The following COL25A1 variants were observed in gnomAD, a reference collection of about 807,000 sequenced individuals.
The protein encoded by COL25A1 is collagen alpha-1(XXV) chain.
COL25A1 carries 103 observed loss-of-function variants against 128.4 expected under a neutral mutation model. The observed-to-expected ratio is 0.80, with a 90% CI of 0.68 to 0.94. COL25A1 has a LOEUF of 0.94. Among genes scored for constraint, COL25A1 ranks in the 40% least tolerant of loss-of-function variants. COL25A1 has a pLI of 0.00. For synonymous variants in COL25A1, 279 were observed against 277.2 expected, an observed-to-expected ratio of 1.01 and a Z score of -0.06; for missense variants, 745 against 840.0, an observed-to-expected ratio of 0.89 and a Z score of 1.40.
chr4:109,183,612 C>T (rs1237206460), intron 3 of COL25A1, among the ~76,000 whole-genome samples: 1 of 151,932 alleles, frequency 6.6e-6, no homozygotes, highest in Admixed American at 6.6e-5. Context: ...AGAACTATAA[C>T]GAGGTATTTC....
intron 3 of COL25A1, among the ~76,000 whole-genome samples, chr4:109,094,958 T>G (rs1308676345): frequency 6.6e-6 from 1 of 152,208 alleles, no homozygotes; most frequent in Non-Finnish European, 1.5e-5. Context: ...TTGGTCTACA[T>G]TTCTCCCTTC....
chr4:109,207,472 G>A lies in COL25A1; in HGVS notation c.367+93111C>T, dbSNP rs548084056. On this transcript the variant is annotated intron_variant, in intron 3 of 37. Coordinates refer to ENST00000399132, the MANE Select transcript of COL25A1 (RefSeq NM_198721.4). The stretch of plus-strand genomic sequence containing the variant: ...CTCACTCCTGATGGCTTGTCCCTGA[G>A]GTTTCTATCACTGACAAAACACTTA... 5.9e-5 allele frequency among the ~76,000 whole-genome samples: 9 copies of A among 152,230 alleles called. No individual in the cohort carries two copies. In the East Asian group the frequency reaches 1.2e-3, roughly 20 times the overall value.
intron 3 of COL25A1, among the ~76,000 whole-genome samples, chr4:109,217,430 C>T (rs1380458949): frequency 1.3e-5 from 2 of 151,958 alleles, no homozygotes; most frequent in Admixed American, 6.6e-5. Flanking sequence ...ATGTGTTAGA[C>T]ATATTTATAA....
At chr4:109,215,392 C>A (rs1777905941) in intron 3 of COL25A1, among the ~76,000 whole-genome samples, 1 of 152,100 alleles carries the variant, frequency 6.6e-6, no homozygotes, top group Non-Finnish European at 1.5e-5. Context: ...CATAATATTT[C>A]TGTAAAAATA....
At chr4:109,173,979 C>G (rs1773826490) in intron 3 of COL25A1, among the ~76,000 whole-genome samples, 1 of 152,090 alleles carries the variant, frequency 6.6e-6, no homozygotes. Flanking sequence ...TTTTAGAGCA[C>G]TTCAGATTTT....
At chr4:109,112,865 AG>A (rs1286172849) in intron 3 of COL25A1, among the ~76,000 whole-genome samples, 1 of 152,142 alleles carries the variant, frequency 6.6e-6, no homozygotes, top group Non-Finnish European at 1.5e-5. Flanking sequence ...AGAATGAAAA[AG>A]TCTGTTGAAC....
chr4:108,850,854 A>G (rs1255822851), intron 26 of COL25A1, among the ~76,000 whole-genome samples: 5 of 152,138 alleles, frequency 3.3e-5, no homozygotes, highest in Admixed American at 1.3e-4. Context: ...TTAGTGATAC[A>G]GATTTTTTAC....
chr4:109,218,357 G>GTTTTTTTTTTTTTTTTTT (rs34056401), intron 3 of COL25A1, among the ~76,000 whole-genome samples: 18 of 73,568 alleles, frequency 2.4e-4, no homozygotes, highest in Non-Finnish European at 3.0e-4. Context: ...GTTTTTTGGG[G>GTTTTTTTTTTTTTTTTTT]TTTTTTTTTT....
intron 3 of COL25A1, among the ~76,000 whole-genome samples, chr4:109,064,687 T>A (rs371962360): frequency 4.6e-5 from 7 of 152,220 alleles, no homozygotes; most frequent in African/African-American, 1.7e-4. Context: ...CTACAGAATA[T>A]TAGACTTCTT....
intron 31 of COL25A1, chr4:108,832,783 G>C: frequency 6.0e-6 from 1 of 166,000 alleles, no homozygotes; most frequent in Non-Finnish European, 1.3e-5. Context: ...GATCACCTGA[G>C]GTCAGGAGAT....
At chr4:109,088,681 T>C (rs1442987718) in intron 3 of COL25A1, among the ~76,000 whole-genome samples, 7 of 152,230 alleles carry the variant, frequency 4.6e-5, no homozygotes, top group Admixed American at 4.6e-4. Context: ...GCACTGAATT[T>C]ATAGTAGTAA....
At chr4:108,991,384 A>C (rs545897713) in intron 6 of COL25A1, among the ~76,000 whole-genome samples, 2 of 152,326 alleles carry the variant, frequency 1.3e-5, no homozygotes, top group South Asian at 2.1e-4. Flanking sequence ...TAGTAAAATA[A>C]ATAAGCCGTT....
At chr4:108,894,972 G>A (rs1040135613) in intron 16 of COL25A1, among the ~76,000 whole-genome samples, 1 of 152,138 alleles carries the variant, frequency 6.6e-6, no homozygotes, top group Non-Finnish European at 1.5e-5. Flanking sequence ...ACTTGGAGGT[G>A]CCATAGGCAT....
chr4:109,239,874 AT>A (rs1340272222), intron 3 of COL25A1, among the ~76,000 whole-genome samples: 2 of 152,002 alleles, frequency 1.3e-5, no homozygotes, highest in Admixed American at 6.6e-5. Flanking sequence ...CAATTTTTAA[AT>A]TTTTTTGGTT....
At chr4:108,932,897 G>A (rs1256964861) in intron 11 of COL25A1, among the ~76,000 whole-genome samples, 1 of 152,024 alleles carries the variant, frequency 6.6e-6, no homozygotes, top group African/African-American at 2.4e-5. Flanking sequence ...TTCATTCTTG[G>A]GTCTAGTTTT....
intron 3 of COL25A1, among the ~76,000 whole-genome samples, chr4:109,193,777 A>G (rs1334572815): frequency 1.3e-5 from 2 of 150,688 alleles, no homozygotes; most frequent in Non-Finnish European, 2.9e-5. Flanking sequence ...TAAATACACA[A>G]CATTGCCAAA....
intron 8 of COL25A1, among the ~76,000 whole-genome samples, chr4:108,950,666 G>C (rs1352625723): frequency 6.6e-6 from 1 of 152,198 alleles, no homozygotes; most frequent in African/African-American, 2.4e-5. Flanking sequence ...ACTTGGGCAA[G>C]GTCAGGATAA....
At chr4:108,971,497 G>A (rs1233248554) in intron 8 of COL25A1, among the ~76,000 whole-genome samples, 1 of 152,202 alleles carries the variant, frequency 6.6e-6, no homozygotes, top group Non-Finnish European at 1.5e-5. Flanking sequence ...AAGTTTCAAT[G>A]ATAAGAAGAA....
At chr4:108,998,083 C>G (rs1405654253) in intron 6 of COL25A1, among the ~76,000 whole-genome samples, 1 of 152,188 alleles carries the variant, frequency 6.6e-6, no homozygotes, top group African/African-American at 2.4e-5. Flanking sequence ...AATGCCCCCT[C>G]TCACCATTCC....
Sources: allele counts gnomAD v4.1 joint callset (sites outside exome capture counted in the v4.1 genomes callset), GRCh38; gene constraint gnomAD v4.1.1; transcripts MANE v1.5; gene names NCBI Gene and HGNC (gene_info 2026-07-23, HGNC 2026-07-21).